The following ADGRA3 variants were observed in gnomAD, a reference collection of about 807,000 sequenced individuals.
ADGRA3 encodes G-protein coupled receptor 125.
Under a neutral mutation model 119.8 loss-of-function variants are expected in ADGRA3, and 56 were observed. The observed-to-expected ratio is 0.47, with a 90% CI of 0.38 to 0.58. ADGRA3 has a LOEUF of 0.58. Among genes scored for constraint, ADGRA3 ranks in the 20% least tolerant of loss-of-function variants. The pLI, the probability that ADGRA3 is intolerant of heterozygous loss-of-function variation, is 0.00. For synonymous variants in ADGRA3, 607 were observed against 623.8 expected, an observed-to-expected ratio of 0.97 and a Z score of 0.40; for missense variants, 1,516 against 1,649.0, an observed-to-expected ratio of 0.92 and a Z score of 1.40.
At chr4:22,419,899 T>C (rs10020672) in intron 12 of ADGRA3, 23,686 of 152,576 alleles carry the variant, frequency 0.16, 1,962 homozygotes, top group Middle Eastern at 0.17. Context: ...CCTCTGAGTA[T>C]AGGGTATCAA....
intron 17 of ADGRA3, among the ~76,000 whole-genome samples, chr4:22,390,370 ATATATATATAATACG>A: frequency 8.0e-5 from 1 of 12,426 alleles, no homozygotes; most frequent in African/African-American, 1.9e-4. Context: ...AATACGTATT[ATATATATATAATACG>A]TATTATATAT....
intron 1 of ADGRA3, among the ~76,000 whole-genome samples, chr4:22,501,050 C>A (rs1719033027): frequency 6.6e-6 from 1 of 152,172 alleles, no homozygotes; most frequent in African/African-American, 2.4e-5. Flanking sequence ...TTCTCAGACT[C>A]TCAGACCTTT....
intron 1 of ADGRA3, among the ~76,000 whole-genome samples, chr4:22,507,996 C>A (rs77838428): frequency 2.6e-5 from 4 of 152,198 alleles, no homozygotes; most frequent in Non-Finnish European, 5.9e-5. Flanking sequence ...CGTCTTCTAT[C>A]CCCAACTTTT....
intron 1 of ADGRA3, among the ~76,000 whole-genome samples, chr4:22,509,100 G>C (rs1017836672): frequency 1.8e-4 from 27 of 152,190 alleles, no homozygotes; most frequent in Admixed American, 1.6e-3. Context: ...CTAGTGAACA[G>C]AACATGGAGT....
At position 22,515,719 on chromosome 4, in the gene ADGRA3, T is replaced by A. The variant is rs1039926602; in HGVS notation, c.66A>T (p.Leu22Phe). The A allele has an allele frequency of 1.9e-6, 2 of 1,060,400 alleles. No individual in the cohort carries two copies. Among genetic ancestry groups the A allele is most frequent in the African/African-American group, 3.5e-5 (2 of 57,740 alleles). 65.7% of individuals were successfully genotyped at this position (1,060,400 alleles called of 1,614,324 possible). A position where few individuals can be genotyped will look rare whatever the true frequency, so the allele number is the denominator to read the frequency against. Residue 22 changes from leucine (L) to phenylalanine (F), a missense_variant, in exon 1 of 19, where the codon TTA becomes TTT. Physicochemically the swap from Leu to Phe is conservative, Grantham distance 22. Around this residue, in one of 2 missense-constraint regions of ADGRA3, gnomAD observed 428 missense variants for 541.9 expected, o/e 0.79. Transcript: ENST00000334304. ...QPPLLLPLSL[L>F]ALLALLGGGG... Reference sequence around the variant, plus strand: ...CGCCTCCCAGCAGCGCGAGCAGCGCTAACAGCGAGAGCGGCAGCAACAGCG... The same window carrying A: ...CGCCTCCCAGCAGCGCGAGCAGCGCAAACAGCGAGAGCGGCAGCAACAGCG...
intron 12 of ADGRA3, 188 bp downstream of exon 12, chr4:22,420,698 C>T (rs1715624554): frequency 3.3e-6 from 2 of 599,434 alleles, no homozygotes; most frequent in African/African-American, 1.8e-5. Context: ...GGCAAAAATG[C>T]CTAGGGCCCT....
Position 22,454,442 on chromosome 4 carries a change from T to C in ADGRA3, c.473+424A>G, listed in dbSNP as rs893257028. On this transcript the variant is annotated intron_variant, in intron 4 of 18. Transcript: ENST00000334304. ...CAGCCTTCCCCTTGACAAATGGCCTTGTTCTCATTCCCACCTTCATGTATC... is the reference window on the plus strand; with the variant it reads ...CAGCCTTCCCCTTGACAAATGGCCTCGTTCTCATTCCCACCTTCATGTATC... Among the ~76,000 whole-genome samples the C allele has an allele frequency of 5.3e-5, 8 of 152,322 alleles. No homozygotes were observed. In the East Asian group the frequency reaches 1.5e-3, roughly 29 times the overall value.
chr4:22,443,144 A>G, intron 6 of ADGRA3: 1 of 663,268 alleles, frequency 1.5e-6, no homozygotes, highest in Non-Finnish European at 2.7e-6. Context: ...ATGAACTAAA[A>G]GAACAAGCTG....
At position 22,387,703 on chromosome 4, in the gene ADGRA3, T is replaced by C. The variant is rs1238529845; in HGVS notation, c.*2A>G. The C allele has an allele frequency of 2.5e-6, 4 of 1,595,550 alleles. No individual in the cohort carries two copies. The highest frequency in any genetic ancestry group is 1.1e-5 in the South Asian group (1 of 89,046). On this transcript the variant is annotated 3_prime_UTR_variant, in exon 19 of 19. Coordinates refer to ENST00000334304, the MANE Select transcript of ADGRA3 (RefSeq NM_145290.4). ...AATTTCTGCCTAGGAAGCCCAGCAA[T>C]GTTACACAGTAGTTTCGTGTTTCCA...
intron 14 of ADGRA3, among the ~76,000 whole-genome samples, chr4:22,406,289 C>T (rs61791983): frequency 0.011 from 1,706 of 152,184 alleles, 21 homozygotes; most frequent in Middle Eastern, 0.044. Context: ...TAAATGTGAG[C>T]GCAGGTATCT....
In ADGRA3 at chr4:22,456,499, T is replaced by C. The variant is rs182387275; in HGVS notation, c.402-1562A>G. Among the ~76,000 whole-genome samples the C allele has an allele frequency of 4.0e-4, 61 of 152,340 alleles. No homozygotes were observed. The East Asian group carries it at 0.012, about 29-fold the overall frequency. ...CTCCTCCTGTTGTTGGACATCAGGC[T>C]ACAGGTTCTTTGTCTTTTGGACTCT... On this transcript the variant is annotated intron_variant, in intron 3 of 18. Coordinates refer to ENST00000334304, the MANE Select transcript of ADGRA3 (RefSeq NM_145290.4).
intron 1 of ADGRA3, among the ~76,000 whole-genome samples, chr4:22,490,299 G>T (rs61793371): frequency 0.11 from 16,404 of 152,178 alleles, 917 homozygotes; most frequent in Middle Eastern, 0.16. Context: ...CACATTAGCT[G>T]CAAGAGAAAA....
Position 22,387,643 on chromosome 4 carries a change from T to C in ADGRA3, c.*62A>G, listed in dbSNP as rs193105444. On this transcript the variant is annotated 3_prime_UTR_variant, in exon 19 of 19. Coordinates refer to ENST00000334304, the MANE Select transcript of ADGRA3 (RefSeq NM_145290.4). The stretch of plus-strand genomic sequence containing the variant: ...GCTGTAAACAGTTTTTAAATGCTCA[T>C]AGCTTCAAGGAATGTGAGTATCACA... The C allele has an allele frequency of 3.9e-3, 5,724 of 1,479,568 alleles. 11 individuals are homozygous for C. Among genetic ancestry groups the C allele is most frequent in the South Asian group, 7.5e-3 (539 of 71,800 alleles). The allele number at this position is 1,479,568 out of a possible 1,614,324, so 91.7% of individuals were successfully genotyped here.
chr4:22,501,356 G>C (rs1719042078), intron 1 of ADGRA3, among the ~76,000 whole-genome samples: 1 of 152,094 alleles, frequency 6.6e-6, no homozygotes, highest in South Asian at 2.1e-4. Flanking sequence ...AGAAAGGCCA[G>C]GATCTTCAGT....
chr4:22,467,338 T>C (rs931034565), intron 2 of ADGRA3, among the ~76,000 whole-genome samples: 6 of 152,124 alleles, frequency 3.9e-5, no homozygotes, highest in Non-Finnish European at 8.8e-5. Context: ...TTAGTTCCTA[T>C]CTCCCTCCCT....
At chr4:22,483,185 C>T (rs1718309939) in intron 1 of ADGRA3, among the ~76,000 whole-genome samples, 1 of 152,174 alleles carries the variant, frequency 6.6e-6, no homozygotes, top group Non-Finnish European at 1.5e-5. Context: ...TCTGTTTTCT[C>T]TCTTTATTTT....
chr4:22,459,668 G>GA (rs796391692), intron 3 of ADGRA3, among the ~76,000 whole-genome samples: 90 of 149,554 alleles, frequency 6.0e-4, no homozygotes, highest in Middle Eastern at 3.5e-3. Context: ...ACTGGAGGCG[G>GA]AAAAAAAAAG....
At chr4:22,476,564 T>C (rs751127694) in intron 1 of ADGRA3, among the ~76,000 whole-genome samples, 14 of 152,106 alleles carry the variant, frequency 9.2e-5, no homozygotes, top group Non-Finnish European at 2.1e-4. Flanking sequence ...TATTTCTGAC[T>C]CTGTATAGTC....
chr4:22,485,383 C>A (rs1050043714), intron 1 of ADGRA3, among the ~76,000 whole-genome samples: 7 of 152,138 alleles, frequency 4.6e-5, no homozygotes, highest in African/African-American at 1.7e-4. Context: ...CATTATAATC[C>A]CACACTTAAC....
Sources: gnomAD v4.1 joint callset for allele counts (sites outside exome capture counted in the v4.1 genomes callset) on GRCh38, gnomAD v4.1.1 for gene constraint, gnomAD v4.1.1 regional missense constraint, MANE v1.5 for transcripts, NCBI Gene and HGNC (gene_info 2026-07-23, HGNC 2026-07-21) for gene names.